Variants in SRGAP1 observed in about 807,000 individuals in gnomAD.
SRGAP1 encodes the protein SLIT-ROBO Rho GTPase activating protein 1.
A neutral mutation model predicts 121.9 loss-of-function variants in SRGAP1; 43 were observed. The observed-to-expected ratio is 0.35, with a 90% CI of 0.28 to 0.46. The LOEUF is 0.46. Ranked by LOEUF, SRGAP1 falls within the 20% of genes least tolerant of loss-of-function variation. The pLI is 1.00. For missense variants in SRGAP1, 1,102 were observed against 1,350.9 expected (o/e 0.82, Z 2.89); for synonymous variants, 447 against 485.4 (o/e 0.92, Z 1.04).
intron 5 of SRGAP1, 74 bp from the exon 6 acceptor site, chr12:64,043,373 G>A (rs2035061440): frequency 1.4e-6 from 2 of 1,403,032 alleles, no homozygotes; most frequent in Admixed American, 2.2e-5. Flanking sequence ...TAATAAAAAT[G>A]CATGTATGTT....
chr12:64,028,215 A>G (rs6581527), intron 4 of SRGAP1, among the ~76,000 whole-genome samples: 79,946 of 152,146 alleles, frequency 0.53, 23,163 homozygotes, highest in African/African-American at 0.77. Context: ...TATTCCATGC[A>G]CAAACTCTTG....
At chr12:63,856,406 C>G (rs1899253072) in intron 1 of SRGAP1, among the ~76,000 whole-genome samples, 1 of 152,082 alleles carries the variant, frequency 6.6e-6, no homozygotes, top group African/African-American at 2.4e-5. Flanking sequence ...CAGGAAGATA[C>G]CTGTCTGTGT....
At chr12:63,850,025 A>C (rs952107932) in intron 1 of SRGAP1, among the ~76,000 whole-genome samples, 1 of 152,176 alleles carries the variant, frequency 6.6e-6, no homozygotes, top group African/African-American at 2.4e-5. Context: ...ACTCTAACCA[A>C]GTTGTTTTTT....
intron 1 of SRGAP1, among the ~76,000 whole-genome samples, chr12:63,867,779 A>G (rs1899688978): frequency 6.6e-6 from 1 of 151,922 alleles, no homozygotes; most frequent in African/African-American, 2.4e-5. Flanking sequence ...AAATAATTTA[A>G]AACTCACTCA....
chr12:64,113,365 G>A (rs1033558959), intron 17 of SRGAP1, among the ~76,000 whole-genome samples: 5 of 152,066 alleles, frequency 3.3e-5, no homozygotes, highest in South Asian at 4.2e-4. Flanking sequence ...CCAAGATCGC[G>A]CCACTGCACT....
chr12:64,051,710 G>C (rs1438086670), intron 6 of SRGAP1, among the ~76,000 whole-genome samples: 1 of 151,988 alleles, frequency 6.6e-6, no homozygotes, highest in Non-Finnish European at 1.5e-5. Context: ...ATTTTTATCT[G>C]TTTGAGATAA....
At chr12:63,954,683 A>AAAAAAAAAAAAAAAAAAAAAAAAAAAG (rs1389261361) in intron 1 of SRGAP1, among the ~76,000 whole-genome samples, 3 of 147,722 alleles carry the variant, frequency 2.0e-5, no homozygotes, top group African/African-American at 7.7e-5. Flanking sequence ...ATCTCAAAAA[A>AAAAAAAAAAAAAAAAAAAAAAAAAAAG]AAAAAAAAAG....
intron 1 of SRGAP1, among the ~76,000 whole-genome samples, chr12:63,920,487 C>T (rs954580466): frequency 6.6e-6 from 1 of 152,134 alleles, no homozygotes; most frequent in South Asian, 2.1e-4. Flanking sequence ...ATGGTAAATA[C>T]TGTACTTTAG....
intron 1 of SRGAP1, among the ~76,000 whole-genome samples, chr12:63,900,202 T>TTCTTTTTTG (rs1900894066): frequency 3.5e-5 from 3 of 86,634 alleles, no homozygotes; most frequent in Non-Finnish European, 4.7e-5. Flanking sequence ...CTTTTTCTTT[T>TTCTTTTTTG]TCTTTTTTTT....
rs1045756439 is a variant in SRGAP1 at position 64,034,788 on chromosome 12, T to C, written c.490-8002T>C. 9.8e-5 allele frequency among the ~76,000 whole-genome samples: 15 copies of C among 152,312 alleles called. No homozygotes were observed. In the East Asian group the frequency reaches 2.9e-3, roughly 29 times the overall value. On this transcript the variant is annotated intron_variant, in intron 4 of 21. Coordinates refer to ENST00000355086, the MANE Select transcript of SRGAP1 (RefSeq NM_020762.4). ...ACAGCAAGTAAGGGCAGAGGCAGGA[T>C]TTGAACCCAGGCAGTCTGTCTCATG...
intron 4 of SRGAP1, among the ~76,000 whole-genome samples, chr12:64,029,139 G>T (rs2034719437): frequency 2.0e-5 from 3 of 152,114 alleles, no homozygotes; most frequent in Non-Finnish European, 4.4e-5. Context: ...TTAGGACAGT[G>T]CTCCTCTCTT....
At chr12:63,996,415 G>C (rs2033712121) in intron 3 of SRGAP1, among the ~76,000 whole-genome samples, 1 of 151,954 alleles carries the variant, frequency 6.6e-6, no homozygotes, top group African/African-American at 2.4e-5. Context: ...TCTGTTGTTA[G>C]ACATTTAAAT....
At chr12:64,017,997 G>A (rs1220083988) in intron 4 of SRGAP1, among the ~76,000 whole-genome samples, 1 of 151,760 alleles carries the variant, frequency 6.6e-6, no homozygotes, top group African/African-American at 2.4e-5. Context: ...TCTTTTGGGG[G>A]ATATTTTATT....
chr12:64,095,248 C>A, intron 14 of SRGAP1, 44 bp downstream of exon 14: 2 of 1,567,374 alleles, frequency 1.3e-6, no homozygotes, highest in South Asian at 2.2e-5. Flanking sequence ...GTTGAAAAGT[C>A]ATCATGTTCT....
Position 63,938,401 on chromosome 12 carries a change from C to T in SRGAP1, c.68-45546C>T, listed in dbSNP as rs146571373. Reference sequence around the variant, plus strand: ...GCTTGCCAGGGTGTCCGGTTGTGCTCGCCTGTCACCTGTTACTGCGGAGCC... The same window carrying T: ...GCTTGCCAGGGTGTCCGGTTGTGCTTGCCTGTCACCTGTTACTGCGGAGCC... On this transcript the variant is annotated intron_variant, in intron 1 of 21. Coordinates refer to ENST00000355086, the MANE Select transcript of SRGAP1 (RefSeq NM_020762.4). 4.2e-4 allele frequency among the ~76,000 whole-genome samples: 64 copies of T among 152,246 alleles called. No homozygotes were observed. In the East Asian group the frequency reaches 0.011, roughly 26 times the overall value.
At chr12:64,139,859 G>A (rs2036928625) in intron 21 of SRGAP1, among the ~76,000 whole-genome samples, 1 of 152,056 alleles carries the variant, frequency 6.6e-6, no homozygotes, top group Admixed American at 6.5e-5. Context: ...TTCTTCTAGG[G>A]TTTTTATGGT....
rs182012196 is a variant in SRGAP1, at chr12:64,145,948, C to G, written c.*3276C>G. ...GCTCTACAAAGATTACCTGACTCCA[C>G]TGACACAAGAATATGTATTCTCAGC... On this transcript the variant is annotated 3_prime_UTR_variant, in exon 22 of 22. Transcript: ENST00000355086. 1.3e-5 allele frequency: 2 copies of G among 152,304 alleles called. No individual in the cohort carries two copies. The highest frequency in any genetic ancestry group is 1.3e-4 in the Admixed American group (2 of 15,298). 9.4% of individuals were successfully genotyped at this position (152,304 alleles called of 1,614,324 possible). A position where few individuals can be genotyped will look rare whatever the true frequency, so the allele number is the denominator to read the frequency against.
chr12:63,880,558 C>T (rs1264535814), intron 1 of SRGAP1, among the ~76,000 whole-genome samples: 1 of 152,052 alleles, frequency 6.6e-6, no homozygotes, highest in Non-Finnish European at 1.5e-5. Context: ...TTATAAATTA[C>T]CCAGTCTCAA....
chr12:63,906,627 C>T (rs2030225930), intron 1 of SRGAP1, among the ~76,000 whole-genome samples: 1 of 152,096 alleles, frequency 6.6e-6, no homozygotes, highest in Non-Finnish European at 1.5e-5. Context: ...TTACATTTTA[C>T]TTATCCATTT....
Sources: allele counts gnomAD v4.1 joint callset (sites outside exome capture counted in the v4.1 genomes callset), GRCh38; gene constraint gnomAD v4.1.1; transcripts MANE v1.5; gene names NCBI Gene and HGNC (gene_info 2026-07-23, HGNC 2026-07-21).